The following WHRN variants were observed in gnomAD, a reference collection of about 807,000 sequenced individuals.
WHRN encodes the protein CASK-interacting protein CIP98.
WHRN carries 41 observed loss-of-function variants against 68.3 expected under a neutral mutation model. That is an observed-to-expected ratio of 0.60 (90% CI 0.47 to 0.78). WHRN has a LOEUF of 0.78. WHRN is among the 30% of genes least tolerant of loss of function. The pLI is 0.00. For synonymous variants in WHRN, 560 were observed against 561.3 expected (o/e 1.00, Z 0.03); for missense variants, 1,243 against 1,244.7 (o/e 1.00, Z 0.02).
At chr9:114,411,405 C>T (rs1409570066) in intron 7 of WHRN, among the ~76,000 whole-genome samples, 1 of 152,172 alleles carries the variant, frequency 6.6e-6, no homozygotes, top group Non-Finnish European at 1.5e-5. Flanking sequence ...GGAGCCTCTG[C>T]CACATTCAGG....
intron 3 of WHRN, among the ~76,000 whole-genome samples, chr9:114,451,547 G>C (rs1839334663): frequency 6.6e-6 from 1 of 152,032 alleles, no homozygotes; most frequent in Non-Finnish European, 1.5e-5. Flanking sequence ...GTGGGGGTGT[G>C]TGCGCATGAA....
chr9:114,410,107 A>G (rs145988110), intron 7 of WHRN, among the ~76,000 whole-genome samples: 111 of 152,188 alleles, frequency 7.3e-4, no homozygotes, highest in African/African-American at 2.1e-3. Context: ...CACTTTGTTT[A>G]GTTCAGACCT....
intron 7 of WHRN, among the ~76,000 whole-genome samples, chr9:114,419,223 C>T (rs188461665): frequency 1.3e-5 from 2 of 152,114 alleles, no homozygotes; most frequent in Admixed American, 1.3e-4. Context: ...CCTCTCTGAG[C>T]TTTGGTTTTC....
intron 7 of WHRN, among the ~76,000 whole-genome samples, chr9:114,420,108 T>G (rs1024456525): frequency 1.3e-5 from 2 of 152,114 alleles, no homozygotes; most frequent in Admixed American, 6.5e-5. Flanking sequence ...AAAGAAAAGA[T>G]ACATCAAATA....
chr9:114,433,635 G>C (rs1424996469), intron 3 of WHRN, among the ~76,000 whole-genome samples: 1 of 152,040 alleles, frequency 6.6e-6, no homozygotes, highest in Non-Finnish European at 1.5e-5. Flanking sequence ...CAGTTTTAAT[G>C]AGACATTAGT....
At chr9:114,445,049 A>ATTC (rs1435404786) in intron 3 of WHRN, among the ~76,000 whole-genome samples, 1 of 151,704 alleles carries the variant, frequency 6.6e-6, no homozygotes, top group Non-Finnish European at 1.5e-5. Flanking sequence ...TATTATTATT[A>ATTC]TTATTATTAT....
In WHRN at chr9:114,466,357, G is replaced by A; in HGVS notation, c.873C>T (p.Gly291=). Residue 291 remains glycine, a synonymous_variant, in exon 3 of 12, where the codon GGC becomes GGT. Coordinates refer to ENST00000362057, the MANE Select transcript of WHRN (RefSeq NM_015404.4). ...NLVLGDGRSL[G]LTIRGGAEYG... Reference sequence around the variant, plus strand: ...ACTCAGCTCCCCCACGGATCGTGAGGCCCAGGGACCGGCCGTCCCCCAGCA... The same window carrying A: ...ACTCAGCTCCCCCACGGATCGTGAGACCCAGGGACCGGCCGTCCCCCAGCA... 1 of 1,614,114 alleles carries A rather than the reference G, an allele frequency of 6.2e-7. No homozygotes were observed. Among genetic ancestry groups the A allele is most frequent in the Non-Finnish European group, 8.5e-7 (1 of 1,180,032 alleles).
chr9:114,437,305 G>GA (rs916198420), intron 3 of WHRN, among the ~76,000 whole-genome samples: 4 of 152,058 alleles, frequency 2.6e-5, no homozygotes, highest in Admixed American at 6.5e-5. Flanking sequence ...GGCATTAAGA[G>GA]AAAAAATAGA....
chr9:114,416,005 G>C (rs1835790906), intron 7 of WHRN, among the ~76,000 whole-genome samples: 1 of 152,170 alleles, frequency 6.6e-6, no homozygotes, highest in Non-Finnish European at 1.5e-5. Flanking sequence ...GACAAGGAGG[G>C]AGGCACAGAG....
intron 3 of WHRN, among the ~76,000 whole-genome samples, chr9:114,441,456 T>G (rs575745044): frequency 6.6e-6 from 1 of 152,198 alleles, no homozygotes; most frequent in Non-Finnish European, 1.5e-5. Context: ...GATCTTGATA[T>G]CTAAATGCCA....
At chr9:114,438,369 C>T (rs1017165914) in intron 3 of WHRN, among the ~76,000 whole-genome samples, 4 of 151,944 alleles carry the variant, frequency 2.6e-5, no homozygotes, top group African/African-American at 9.7e-5. Context: ...TGACCGTCAG[C>T]TATGGAGAAA....
In WHRN at chr9:114,423,457, C is replaced by T. The variant is rs904342747; in HGVS notation, c.1483G>A (p.Val495Met). 1 of 1,614,076 alleles carries T rather than the reference C, an allele frequency of 6.2e-7. No homozygotes were observed. The change falls in exon 7 of 12, where the codon GTG (valine) becomes ATG (methionine). Residue 495 changes from valine to methionine, a missense_variant. By Grantham distance (21) the Val-to-Met change is conservative. Transcript: ENST00000362057. ...ATGGACTCAATCTCACGCCTCAGCA[C>T]CAGGTGGTCGAAGCGTTCTAGGTCT... The part of the protein sequence containing the change: ...PQDLERFDHL[V>M]LRREIESMKA...
Position 114,403,082 on chromosome 9 carries a change from A to G in WHRN, c.2541+135T>C, listed in dbSNP as rs1050142479. 14 of 1,542,148 alleles carry G rather than the reference A, an allele frequency of 9.1e-6. No homozygotes were observed. In the African/African-American group the frequency reaches 1.9e-4, roughly 21 times the overall value. On this transcript the variant is annotated intron_variant, in intron 11 of 11. Coordinates refer to ENST00000362057, the MANE Select transcript of WHRN (RefSeq NM_015404.4). ...CGGATTAGGAAAGCTGAGGCCCGGA[A>G]GAGCAAAGGTGACATAAGCCTAGGT... is the stretch of plus-strand genomic sequence containing the variant.
chr9:114,491,805 GC>G, intron 1 of WHRN: 1 of 264,924 alleles, frequency 3.8e-6, no homozygotes, highest in Non-Finnish European at 7.7e-6. Flanking sequence ...GTCCCACCAT[GC>G]CCACGTCTCC....
intron 7 of WHRN, among the ~76,000 whole-genome samples, chr9:114,409,241 A>AGAGGAGGGGGGACACAGAG (rs10666207): frequency 6.6e-6 from 1 of 151,850 alleles, no homozygotes; most frequent in African/African-American, 2.4e-5. Flanking sequence ...CTGGGGACAC[A>AGAGGAGGGGGGACACAGAG]GAGGTGGGAC....
intron 9 of WHRN, 38 bp downstream of exon 9, chr9:114,406,317 C>T (rs1232604508): frequency 2.5e-6 from 4 of 1,612,872 alleles, no homozygotes; most frequent in African/African-American, 1.3e-5. Context: ...AGGACAGGGA[C>T]CCCCAAGGAC....
intron 3 of WHRN, among the ~76,000 whole-genome samples, chr9:114,464,391 C>A (rs182007943): frequency 6.6e-6 from 1 of 152,116 alleles, no homozygotes; most frequent in Non-Finnish European, 1.5e-5. Context: ...AAGATCAAGA[C>A]GCCAGCAGGT....
At chr9:114,410,928 G>A (rs1835391588) in intron 7 of WHRN, among the ~76,000 whole-genome samples, 1 of 152,224 alleles carries the variant, frequency 6.6e-6, no homozygotes, top group Non-Finnish European at 1.5e-5. Context: ...GCTTCTTTGA[G>A]CTCACACCCA....
intron 1 of WHRN, among the ~76,000 whole-genome samples, chr9:114,497,434 C>T (rs1256272581): frequency 6.6e-6 from 1 of 151,306 alleles, no homozygotes; most frequent in African/African-American, 2.4e-5. Flanking sequence ...AGCTTTTAAG[C>T]ATATGTGTGG....
Sources: allele counts gnomAD v4.1 joint callset (sites outside exome capture counted in the v4.1 genomes callset), GRCh38; gene constraint gnomAD v4.1.1; transcripts MANE v1.5; gene names NCBI Gene and HGNC (gene_info 2026-07-23, HGNC 2026-07-21).